PTGES3L: variants seen among roughly 807,000 people sequenced by gnomAD.
The protein encoded by PTGES3L is putative protein PTGES3L.
A neutral mutation model predicts 25.0 loss-of-function variants in PTGES3L; 17 were observed. The observed-to-expected ratio is 0.68, with a 90% CI of 0.47 to 1.02. The LOEUF is 1.02. Among genes scored for constraint, PTGES3L ranks in the 50% least tolerant of loss-of-function variants. The pLI, the probability that PTGES3L is intolerant of heterozygous loss-of-function variation, is 0.00. For missense variants in PTGES3L, 202 were observed against 197.5 expected, an observed-to-expected ratio of 1.02 and a Z score of -0.14; for synonymous variants, 59 against 65.7, an observed-to-expected ratio of 0.90 and a Z score of 0.50.
At chr17:42,977,668 G>GGAGA (rs145991932) in intron 4 of PTGES3L, among the ~76,000 whole-genome samples, 16,682 of 139,852 alleles carry the variant, frequency 0.12, 1,454 homozygotes, top group African/African-American at 0.24. Context: ...AGGAAGGGAG[G>GGAGA]GAGAGAGAGA....
chr17:42,979,348 C>A, intron 3 of PTGES3L, 30 bp downstream of exon 3: 2 of 1,614,166 alleles, frequency 1.2e-6, no homozygotes, highest in Non-Finnish European at 1.7e-6. Flanking sequence ...CGGTTTCCAT[C>A]CAAACCTTAC....
chr17:42,969,131 C>T lies in PTGES3L; in HGVS notation c.*17G>A. The T allele has an allele frequency of 6.5e-7, 1 of 1,540,244 alleles. No homozygotes were observed. The highest frequency in any genetic ancestry group is 8.8e-7 in the Non-Finnish European group (1 of 1,137,970). On this transcript the variant is annotated 3_prime_UTR_variant, in exon 7 of 7. Transcript: ENST00000591916. ...AAAATAGCCACAGCTGCCTTCCCAGCTTTGCGTCACAGAAAGTTAATTACT... is the reference window on the plus strand; with the variant it reads ...AAAATAGCCACAGCTGCCTTCCCAGTTTTGCGTCACAGAAAGTTAATTACT...
chr17:42,969,893 G>A (rs766511973), intron 6 of PTGES3L, among the ~76,000 whole-genome samples: 1 of 151,774 alleles, frequency 6.6e-6, no homozygotes, highest in Admixed American at 6.6e-5. Context: ...TTGGGAGGCC[G>A]AGGCGGGTGG....
intron 4 of PTGES3L, among the ~76,000 whole-genome samples, chr17:42,977,800 CG>C (rs1165061533): frequency 6.6e-6 from 1 of 151,916 alleles, no homozygotes; most frequent in Non-Finnish European, 1.5e-5. Flanking sequence ...TGGCAGAGGC[CG>C]GGTGCAGTGG....
chr17:42,972,697 C>T (rs1295564049), intron 4 of PTGES3L, among the ~76,000 whole-genome samples: 2 of 152,146 alleles, frequency 1.3e-5, no homozygotes, highest in Non-Finnish European at 2.9e-5. Flanking sequence ...AGCCGCCTGC[C>T]TTGGCCTCCC....
At chr17:42,969,956 G>GT (rs1459606648) in intron 6 of PTGES3L, among the ~76,000 whole-genome samples, 1 of 151,868 alleles carries the variant, frequency 6.6e-6, no homozygotes, top group East Asian at 2.0e-4. Flanking sequence ...GCAAAACCCT[G>GT]TCTCTACTAA....
chr17:42,973,509 GA>G (rs2049897269), intron 4 of PTGES3L, among the ~76,000 whole-genome samples: 1 of 152,042 alleles, frequency 6.6e-6, no homozygotes, highest in South Asian at 2.1e-4. Context: ...ACAGCTCACT[GA>G]GAACGGGCCA....
rs766932462 is a variant in PTGES3L, at chr17:42,979,639, G to T, written c.33C>A (p.Tyr11Ter). 1 of 1,614,098 alleles carries T rather than the reference G, an allele frequency of 6.2e-7. No homozygotes were observed. Among genetic ancestry groups the T allele is most frequent in the South Asian group, 1.1e-5 (1 of 91,086 alleles). ...CCATGAACACATACCTGGGCCTGTC[G>T]TACCACAAGGTCCGGGCGTGCTGCC... MARQHARTLW[Y>*]DRPRYVFMEF... Residue 11 changes from tyrosine to a stop codon, truncating the protein, a stop_gained, in exon 2 of 7, where the codon TAC becomes TAA. Coordinates refer to ENST00000591916, the MANE Select transcript of PTGES3L (RefSeq NM_001261430.2). LOFTEE classifies it high-confidence loss of function.
intron 4 of PTGES3L, among the ~76,000 whole-genome samples, chr17:42,976,655 C>T (rs2049960074): frequency 6.6e-6 from 1 of 152,184 alleles, no homozygotes; most frequent in African/African-American, 2.4e-5. Flanking sequence ...GCTGGGATTA[C>T]AGGCGTGAGC....
Position 42,969,134 on chromosome 17 carries a change from T to C in PTGES3L, c.*14A>G, listed in dbSNP as rs1439845858. On this transcript the variant is annotated 3_prime_UTR_variant, in exon 7 of 7. Transcript: ENST00000591916. ...ATAGCCACAGCTGCCTTCCCAGCTT[T>C]GCGTCACAGAAAGTTAATTACTTGT... The C allele has an allele frequency of 3.2e-6, 5 of 1,542,278 alleles. No homozygotes were observed. The Admixed American group carries it at 5.9e-5, about 18-fold the overall frequency.
In PTGES3L at chr17:42,971,874, A is replaced by G. The variant is rs974527883; in HGVS notation, c.289-178T>C. ...CAATCTACACACAAAGCTAGGCATG[A>G]TAGAGTCTGAAAATCTCAGAAGTCC... On this transcript the variant is annotated intron_variant, in intron 4 of 6. Transcript: ENST00000591916. 5.1e-6 allele frequency: 3 copies of G among 590,240 alleles called. No homozygotes were observed. The African/African-American group carries it at 5.6e-5, about 11-fold the overall frequency. 36.6% of individuals were successfully genotyped at this position (590,240 alleles called of 1,614,324 possible).
At chr17:42,971,135 T>TA (rs1420641099) in intron 5 of PTGES3L, among the ~76,000 whole-genome samples, 4 of 151,672 alleles carry the variant, frequency 2.6e-5, no homozygotes, top group African/African-American at 9.7e-5. Context: ...CCGTCTCTAC[T>TA]AAAAAAATAC....
intron 1 of PTGES3L, 74 bp from the exon 2 acceptor site, chr17:42,979,737 C>T: frequency 6.4e-7 from 1 of 1,552,796 alleles, no homozygotes; most frequent in South Asian, 1.2e-5. Context: ...AGGGACTACC[C>T]AGGGACCTTT....
At position 42,969,094 on chromosome 17, in the gene PTGES3L, T is replaced by C. The variant is rs2151946389; in HGVS notation, c.*54A>G. On this transcript the variant is annotated 3_prime_UTR_variant, in exon 7 of 7. Transcript: ENST00000591916. ...GACAAAGGCCTAGGCGCTAGCTTTCTAGAACAACTGGAAAATAGCCACAGC... is the reference window on the plus strand; with the variant it reads ...GACAAAGGCCTAGGCGCTAGCTTTCCAGAACAACTGGAAAATAGCCACAGC... 2 of 1,421,508 alleles carry C rather than the reference T, an allele frequency of 1.4e-6. No individual in the cohort carries two copies. The highest frequency in any genetic ancestry group is 1.9e-6 in the Non-Finnish European group (2 of 1,030,340). 88.1% of individuals were successfully genotyped at this position (1,421,508 alleles called of 1,614,324 possible). A position where few individuals can be genotyped will look rare whatever the true frequency, so the allele number is the denominator to read the frequency against.
chr17:42,973,546 T>C (rs1180993252), intron 4 of PTGES3L, among the ~76,000 whole-genome samples: 3 of 152,074 alleles, frequency 2.0e-5, no homozygotes, highest in South Asian at 2.1e-4. Flanking sequence ...CTTTGTGGAA[T>C]AGAAAGGCGG....
Position 42,970,150 on chromosome 17 carries a change from G to T in PTGES3L, c.432+139C>A, listed in dbSNP as rs891079586. 8.3e-6 allele frequency: 8 copies of T among 962,272 alleles called. No individual in the cohort carries two copies. The African/African-American group carries it at 1.0e-4, about 12-fold the overall frequency. 59.6% of individuals were successfully genotyped at this position (962,272 alleles called of 1,614,324 possible). A position where few individuals can be genotyped will look rare whatever the true frequency, so the allele number is the denominator to read the frequency against. ...CCCACCCCCCAAAAAAAGAATATTA[G>T]CCCTCTTGGGTCAAACTCAAATTTG... On this transcript the variant is annotated intron_variant, in intron 6 of 6. Transcript: ENST00000591916.
chr17:42,976,839 G>A (rs897169393), intron 4 of PTGES3L, among the ~76,000 whole-genome samples: 9 of 152,200 alleles, frequency 5.9e-5, no homozygotes, highest in African/African-American at 9.7e-5. Context: ...ACCATGCTGA[G>A]GGCAATGCAG....
At chr17:42,972,663 G>A (rs551751904) in intron 4 of PTGES3L, among the ~76,000 whole-genome samples, 2 of 152,088 alleles carry the variant, frequency 1.3e-5, no homozygotes, top group Non-Finnish European at 1.5e-5. Flanking sequence ...GCATGATCTC[G>A]GCTCGCTACA....
intron 4 of PTGES3L, among the ~76,000 whole-genome samples, chr17:42,978,065 G>A (rs1255377818): frequency 5.9e-5 from 3 of 51,100 alleles, no homozygotes; most frequent in Admixed American, 6.9e-4. Context: ...CAACAAGAGC[G>A]AAACTCCGAA....
Sources: allele counts gnomAD v4.1 joint callset (sites outside exome capture counted in the v4.1 genomes callset), GRCh38; gene constraint gnomAD v4.1.1; transcripts MANE v1.5; gene names NCBI Gene and HGNC (gene_info 2026-07-23, HGNC 2026-07-21).